The following MEGF8 variants were observed in gnomAD, a reference collection of about 807,000 sequenced individuals.
MEGF8 encodes the protein multiple EGF like domains 8.
Under a neutral mutation model 302.9 loss-of-function variants are expected in MEGF8, and 156 were observed. The observed-to-expected ratio is 0.52, with a 90% CI of 0.45 to 0.59. MEGF8 has a LOEUF of 0.59. Ranked by LOEUF, MEGF8 falls within the 20% of genes least tolerant of loss-of-function variation. The probability of loss-of-function intolerance (pLI) is 0.00; values close to 1 mark genes in which losing one functional copy is unlikely to be tolerated. For synonymous variants in MEGF8, 1,621 were observed against 1,660.5 expected, an observed-to-expected ratio of 0.98 and a Z score of 0.58; for missense variants, 3,345 against 3,964.5, an observed-to-expected ratio of 0.84 and a Z score of 4.20.
intron 3 of MEGF8, among the ~76,000 whole-genome samples, chr19:42,334,523 G>A (rs1371866547): frequency 2.0e-5 from 3 of 152,056 alleles, no homozygotes; most frequent in Admixed American, 6.5e-5. Context: ...CAGCCACTCT[G>A]TGTGGCCTTG....
rs1259070118 is a variant in MEGF8, at chr19:42,333,699, G to T, written c.282G>T (p.Pro94=). 7 of 1,613,940 alleles carry T rather than the reference G, an allele frequency of 4.3e-6. No individual in the cohort carries two copies. Among genetic ancestry groups the T allele is most frequent in the South Asian group, 1.1e-5 (1 of 91,084 alleles). Residue 94 remains proline, a synonymous_variant, in exon 2 of 42, where the codon CCG becomes CCT. Coordinates refer to ENST00000251268, the MANE Select transcript of MEGF8 (RefSeq NM_001271938.2). ...TGTTCGTGTATGACGGTGACTCCCC[G>T]CGAGGGCCGCTGCTTGCCAGTCTAA... ...DYLFVYDGDS[P]RGPLLASLSG...
In MEGF8 at chr19:42,356,246, C is replaced by A; in HGVS notation, c.4503+53C>A. The stretch of plus-strand genomic sequence containing the variant: ...GATGGTTGCTCCCAGGTCGTTCTCC[C>A]ACCTCCATTCCTGGGACCACCCCTA... On this transcript the variant is annotated intron_variant, in intron 25 of 41. Transcript: ENST00000251268. The surrounding 1 kb of genome is among the most constrained non-coding windows in gnomAD (Gnocchi z 5.2). The A allele has an allele frequency of 6.6e-7, 1 of 1,521,146 alleles. No homozygotes were observed. Among genetic ancestry groups the A allele is most frequent in the South Asian group, 1.3e-5 (1 of 79,642 alleles). The allele number at this position is 1,521,146 out of a possible 1,614,324, so 94.2% of individuals were successfully genotyped here.
intron 31 of MEGF8, among the ~76,000 whole-genome samples, chr19:42,360,321 A>T (rs1302885910): frequency 3.6e-5 from 5 of 138,180 alleles, no homozygotes; most frequent in African/African-American, 5.4e-5. Context: ...GTCTATCCTC[A>T]TGTGTTTCCT....
At position 42,369,771 on chromosome 19, in the gene MEGF8, C is replaced by T. The variant is rs1186523499; in HGVS notation, c.6834+48C>T. Reference sequence around the variant, plus strand: ...CCCCCGACCCTGGGACCCAGGCCCTCACTTGCCTTCATCCCACGCTCAGGC... The same window carrying T: ...CCCCCGACCCTGGGACCCAGGCCCTTACTTGCCTTCATCCCACGCTCAGGC... On this transcript the variant is annotated intron_variant, in intron 38 of 41. Transcript: ENST00000251268. The surrounding 1 kb of genome is among the most constrained non-coding windows in gnomAD (Gnocchi z 5.7). 2.0e-6 allele frequency: 3 copies of T among 1,535,942 alleles called. No homozygotes were observed. The highest frequency in any genetic ancestry group is 2.6e-6 in the Non-Finnish European group (3 of 1,140,758).
intron 23 of MEGF8, among the ~76,000 whole-genome samples, chr19:42,355,539 T>C (rs1257046774): frequency 6.6e-6 from 1 of 152,042 alleles, no homozygotes; most frequent in Non-Finnish European, 1.5e-5. Flanking sequence ...GGATAGCAGC[T>C]CAGGAGGTAG....
Position 42,356,130 on chromosome 19 carries a change from C to A in MEGF8, c.4440C>A (p.Cys1480Ter). Residue 1480 changes from cysteine (C) to a stop codon, truncating the protein, a stop_gained, in exon 25 of 42, where the codon TGC becomes TGA. Coordinates refer to ENST00000251268, the MANE Select transcript of MEGF8 (RefSeq NM_001271938.2). LOFTEE classifies it high-confidence loss of function. The surrounding 1 kb of genome is among the most constrained non-coding windows in gnomAD (Gnocchi z 5.2). ...CCGAGGGCTTCGGGGGCCCCGACTG[C>A]GCCACCAAGCTGGATGGCGGGCAGC... ...ICAEGFGGPD[C>*]ATKLDGGQLV... The A allele has an allele frequency of 6.3e-7, 1 of 1,580,130 alleles. No individual in the cohort carries two copies. The highest frequency in any genetic ancestry group is 8.6e-7 in the Non-Finnish European group (1 of 1,161,928).
rs2147481920 is a variant in MEGF8 at position 42,354,618 on chromosome 19, C to G, written c.4042C>G (p.Pro1348Ala). Residue 1348 changes from proline (P) to alanine (A), a missense_variant, in exon 23 of 42, where the codon CCA (proline) becomes GCA (alanine). By Grantham distance (27) the Pro-to-Ala change is conservative. Transcript: ENST00000251268. The surrounding 1 kb of genome is among the most constrained non-coding windows in gnomAD (Gnocchi z 4.3). Reference protein sequence around the residue: ...LSYVLAFDGFPRFLDTGVVQS... With the variant: ...LSYVLAFDGFARFLDTGVVQS... ...CTACGTCCTGGCGTTTGATGGATTC[C>G]CACGCTTCCTGGACACTGGTGTTGT... The G allele has an allele frequency of 6.2e-7, 1 of 1,613,038 alleles. No individual in the cohort carries two copies. Among genetic ancestry groups the G allele is most frequent in the Non-Finnish European group, 8.5e-7 (1 of 1,179,742 alleles).
chr19:42,340,729 A>C (rs922134756), intron 8 of MEGF8, among the ~76,000 whole-genome samples: 2 of 151,894 alleles, frequency 1.3e-5, no homozygotes, highest in African/African-American at 4.8e-5. Context: ...GTGCGGTAGC[A>C]TAGTCTCCAC....
Position 42,353,997 on chromosome 19 carries a change from C to T in MEGF8, c.3984C>T (p.Phe1328=), listed in dbSNP as rs749373272. Residue 1328 remains phenylalanine, a synonymous_variant, in exon 22 of 42, where the codon TTC becomes TTT. Transcript: ENST00000251268. The surrounding 1 kb of genome is among the most constrained non-coding windows in gnomAD (Gnocchi z 6.1). ...TCTGTCCCCCACTCACCCTCACCTT[C>T]TCCCCCGACAGCAGCACCCCCTGCA... is the stretch of plus-strand genomic sequence containing the variant. ...GTLCPPLTLT[F]SPDSSTPCTL... is the part of the protein sequence containing the mutation. 5.0e-6 allele frequency: 8 copies of T among 1,585,962 alleles called. No individual in the cohort carries two copies. Among genetic ancestry groups the T allele is most frequent in the Non-Finnish European group, 6.9e-6 (8 of 1,166,538 alleles).
At position 42,351,039 on chromosome 19, in the gene MEGF8, G is replaced by A. The variant is rs1035091183; in HGVS notation, c.2737-177G>A. The A allele has an allele frequency of 5.6e-5, 35 of 624,476 alleles. No homozygotes were observed. Among genetic ancestry groups the A allele is most frequent in the Middle Eastern group, 8.6e-4 (2 of 2,314 alleles). The allele number at this position is 624,476 out of a possible 1,614,324, so 38.7% of individuals were successfully genotyped here. ...CTAAAGGAGACAGTGGGTGCTGGGC[G>A]GGCCGACCCATGGGTGTCTGTGGTC... On this transcript the variant is annotated intron_variant, in intron 15 of 41. Coordinates refer to ENST00000251268, the MANE Select transcript of MEGF8 (RefSeq NM_001271938.2). The surrounding 1 kb of genome is among the most constrained non-coding windows in gnomAD (Gnocchi z 5.6).
At chr19:42,367,914 G>A (rs1472699936) in intron 35 of MEGF8, among the ~76,000 whole-genome samples, 2 of 151,948 alleles carry the variant, frequency 1.3e-5, no homozygotes, top group African/African-American at 4.8e-5. Flanking sequence ...AAGTCTACGC[G>A]ATCTTCCAGT....
intron 31 of MEGF8, among the ~76,000 whole-genome samples, chr19:42,359,708 A>C (rs966382246): frequency 3.9e-5 from 6 of 152,080 alleles, no homozygotes; most frequent in Non-Finnish European, 8.8e-5. Context: ...TATTAGCAAC[A>C]GGGTCTCACT....
At chr19:42,327,564 A>C (rs1045833488) in intron 1 of MEGF8, among the ~76,000 whole-genome samples, 6 of 152,210 alleles carry the variant, frequency 3.9e-5, no homozygotes, top group Non-Finnish European at 8.8e-5. Flanking sequence ...GGGAGAGACA[A>C]ACCCACTCCG....
rs764236532 is a variant in MEGF8 at position 42,370,682 on chromosome 19, A to T, written c.7006-19A>T. The T allele has an allele frequency of 4.4e-6, 7 of 1,587,894 alleles. No homozygotes were observed. The African/African-American group carries it at 6.7e-5, about 15-fold the overall frequency. The stretch of plus-strand genomic sequence containing the variant: ...TTGGTCCAGGCCTTTCTATGATCAC[A>T]CTGTCCTTCCTTGGCCAGATTGAAA... On this transcript the variant is annotated intron_variant, in intron 39 of 41. Coordinates refer to ENST00000251268, the MANE Select transcript of MEGF8 (RefSeq NM_001271938.2).
chr19:42,335,623 GT>G (rs1364774486), intron 5 of MEGF8, among the ~76,000 whole-genome samples: 1 of 151,954 alleles, frequency 6.6e-6, no homozygotes, highest in African/African-American at 2.4e-5. Context: ...ATCTGTCTCT[GT>G]TTTCGTCTGT....
At chr19:42,363,301 G>T (rs1468645439) in intron 35 of MEGF8, 39 bp downstream of exon 35, 3 of 1,533,864 alleles carry the variant, frequency 2.0e-6, no homozygotes, top group East Asian at 4.9e-5. Flanking sequence ...GCAAGGGCCC[G>T]GGCAGGTCTC....
chr19:42,362,885 G>A (rs1177568693), intron 34 of MEGF8, among the ~76,000 whole-genome samples, 163 bp from the exon 35 acceptor site: 1 of 149,150 alleles, frequency 6.7e-6, no homozygotes, highest in East Asian at 2.0e-4. Flanking sequence ...GAGGGAGGAG[G>A]GGCTGGGCAC....
Position 42,368,543 on chromosome 19 carries a change from G to A in MEGF8, c.6362G>A (p.Cys2121Tyr), listed in dbSNP as rs1421081703. The A allele has an allele frequency of 6.2e-7, 1 of 1,603,286 alleles. No individual in the cohort carries two copies. The highest frequency in any genetic ancestry group is 1.3e-5 in the African/African-American group (1 of 74,836). The part of the protein sequence containing the change: ...LRGPESCSLG[C>Y]AQATQCALCL... ...GGACCTGAGAGCTGCTCCCTGGGCT[G>A]TGCTCAGGCAACTCAGTGCGCCTTG... The change falls in exon 36 of 42, where the codon TGT becomes TAT. Residue 2121 changes from cysteine to tyrosine, a missense_variant. Cys to Tyr is a radical substitution (Grantham distance 194). Transcript: ENST00000251268. This position sits in a 1 kb window ranked among gnomAD's most constrained non-coding sequence, Gnocchi z 4.9.
chr19:42,371,294 C>T (rs893336230), intron 40 of MEGF8, 56 bp from the exon 41 acceptor site: 123 of 1,594,876 alleles, frequency 7.7e-5, no homozygotes, highest in Non-Finnish European at 1.0e-4. Context: ...TATGGGGTGT[C>T]CATCCTGGAC....
Sources: allele counts gnomAD v4.1 joint callset (sites outside exome capture counted in the v4.1 genomes callset), GRCh38; gene constraint gnomAD v4.1.1; non-coding constraint Gnocchi (gnomAD v3.1); transcripts MANE v1.5; gene names NCBI Gene and HGNC (gene_info 2026-07-23, HGNC 2026-07-21).